The following TENM2 variants were observed in gnomAD, a reference collection of about 807,000 sequenced individuals.
The protein encoded by TENM2 is teneurin transmembrane protein 2.
Under a neutral mutation model 245.2 loss-of-function variants are expected in TENM2, and 52 were observed. That is an observed-to-expected ratio of 0.21 (90% confidence interval 0.17 to 0.27). TENM2 has a LOEUF of 0.27. TENM2 is among the 10% of genes least tolerant of loss of function. The pLI, the probability that TENM2 is intolerant of heterozygous loss-of-function variation, is 1.00. For missense variants in TENM2, 3,046 were observed against 3,666.8 expected (o/e 0.83, Z 4.37); for synonymous variants, 1,363 against 1,438.9 (o/e 0.95, Z 1.19).
At chr5:167,498,885 A>G (rs1354132068) in intron 2 of TENM2, among the ~76,000 whole-genome samples, 1 of 152,138 alleles carries the variant, frequency 6.6e-6, no homozygotes, top group African/African-American at 2.4e-5. Context: ...GTATAGGGGA[A>G]TTATCTTATA....
chr5:167,097,615 AC>A, the TENM2 span, among the ~76,000 whole-genome samples: 1 of 152,210 alleles, frequency 6.6e-6, no homozygotes, highest in Non-Finnish European at 1.5e-5. Context: ...ATGTACGTTA[AC>A]ATCCAACATC....
intron 2 of TENM2, among the ~76,000 whole-genome samples, chr5:167,736,446 A>G (rs1030076949): frequency 5.9e-5 from 9 of 152,132 alleles, no homozygotes; most frequent in African/African-American, 2.2e-4. Flanking sequence ...TCATTTACCT[A>G]TAGTTAGTGA....
chr5:167,489,362 C>A (rs1413560356), intron 2 of TENM2, among the ~76,000 whole-genome samples: 1 of 152,126 alleles, frequency 6.6e-6, no homozygotes, highest in African/African-American at 2.4e-5. Flanking sequence ...CATCCCCAGG[C>A]ATGTCATCAT....
At chr5:167,601,739 T>C (rs1158088135) in intron 2 of TENM2, among the ~76,000 whole-genome samples, 2 of 152,240 alleles carry the variant, frequency 1.3e-5, no homozygotes, top group African/African-American at 4.8e-5. Context: ...ACTGAGATAA[T>C]GTATTAACTT....
At chr5:168,226,409 G>A in intron 24 of TENM2, 146 bp downstream of exon 26, 1 of 666,852 alleles carries the variant, frequency 1.5e-6, no homozygotes, top group Non-Finnish European at 2.6e-6. Context: ...AGTGTCCACA[G>A]CAAACTATAA....
At chr5:167,696,623 G>T (rs935653363) in intron 2 of TENM2, among the ~76,000 whole-genome samples, 8 of 152,214 alleles carry the variant, frequency 5.3e-5, no homozygotes, top group Non-Finnish European at 1.2e-4. Flanking sequence ...AAAACAGATG[G>T]TGAAAGGATT....
intron 2 of TENM2, among the ~76,000 whole-genome samples, chr5:167,744,315 T>G (rs549289451): frequency 6.6e-6 from 1 of 152,260 alleles, no homozygotes; most frequent in South Asian, 2.1e-4. Flanking sequence ...CTGCTGTATC[T>G]TGATGACAGT....
intron 2 of TENM2, among the ~76,000 whole-genome samples, chr5:167,858,725 G>T (rs1242394304): frequency 6.6e-6 from 1 of 150,878 alleles, no homozygotes; most frequent in African/African-American, 2.4e-5. Context: ...TGCCGCGACC[G>T]ACCGCAGCCG....
chr5:167,642,170 A>G (rs1779658390), intron 2 of TENM2, among the ~76,000 whole-genome samples: 1 of 150,306 alleles, frequency 6.7e-6, no homozygotes, highest in Non-Finnish European at 1.5e-5. Flanking sequence ...GTATATATAT[A>G]TATAAACACT....
At chr5:167,946,793 G>A (rs1456286861) in intron 3 of TENM2, among the ~76,000 whole-genome samples, 3 of 152,118 alleles carry the variant, frequency 2.0e-5, no homozygotes, top group Non-Finnish European at 4.4e-5. Flanking sequence ...TGTGAAATGG[G>A]CATGATAAGT....
At chr5:167,002,668 A>G in the TENM2 span, among the ~76,000 whole-genome samples, 1 of 150,992 alleles carries the variant, frequency 6.6e-6, no homozygotes, top group Admixed American at 6.6e-5. Context: ...CAAAAAAACA[A>G]AAAAAAAACA....
At chr5:168,049,905 C>T (rs1014175902) in intron 6 of TENM2, among the ~76,000 whole-genome samples, 4 of 152,166 alleles carry the variant, frequency 2.6e-5, no homozygotes, top group Admixed American at 6.5e-5. Context: ...CCGGTTCAAG[C>T]AATTCTCCTG....
At chr5:167,867,459 G>T (rs1009807032) in intron 2 of TENM2, among the ~76,000 whole-genome samples, 1 of 152,142 alleles carries the variant, frequency 6.6e-6, no homozygotes, top group Non-Finnish European at 1.5e-5. Context: ...AACTGGGGCC[G>T]GTCCAACAGC....
chr5:167,971,699 TAAAA>T (rs959342601), intron 4 of TENM2, among the ~76,000 whole-genome samples: 3 of 118,744 alleles, frequency 2.5e-5, no homozygotes, highest in African/African-American at 3.6e-5. Flanking sequence ...AGACTCCATC[TAAAA>T]CAAACAAACA....
chr5:168,000,602 A>G (rs574214568), intron 5 of TENM2, among the ~76,000 whole-genome samples: 25 of 152,364 alleles, frequency 1.6e-4, no homozygotes, highest in African/African-American at 5.3e-4. Context: ...AATGTCATCA[A>G]TTATGAGAAA....
At chr5:167,561,749 T>A (rs1773605532) in intron 2 of TENM2, among the ~76,000 whole-genome samples, 1 of 152,196 alleles carries the variant, frequency 6.6e-6, no homozygotes, top group Non-Finnish European at 1.5e-5. Flanking sequence ...AGAGTAACTT[T>A]TTTCTGCAAG....
chr5:167,438,291 G>A (rs923154429), intron 2 of TENM2, among the ~76,000 whole-genome samples: 34 of 151,962 alleles, frequency 2.2e-4, no homozygotes, highest in South Asian at 4.1e-4. Flanking sequence ...AATGCCTATC[G>A]CCTCTCCCTT....
intron 1 of TENM2, among the ~76,000 whole-genome samples, chr5:167,341,970 C>T (rs573795184): frequency 3.4e-4 from 51 of 152,198 alleles, no homozygotes; most frequent in African/African-American, 1.2e-3. Context: ...TTTTAGAGCA[C>T]ATTTAAATTT....
At chr5:167,429,913 A>T in intron 2 of TENM2, among the ~76,000 whole-genome samples, 1 of 152,136 alleles carries the variant, frequency 6.6e-6, no homozygotes, top group East Asian at 1.9e-4. Flanking sequence ...TACATCATGT[A>T]AGCTGAGAGG....
Sources: gnomAD v4.1 joint callset for allele counts (sites outside exome capture counted in the v4.1 genomes callset) on GRCh38, gnomAD v4.1.1 for gene constraint, MANE v1.5 for transcripts, NCBI Gene and HGNC (gene_info 2026-07-23, HGNC 2026-07-21) for gene names.